Variants in GREM1 observed in about 807,000 individuals in gnomAD.
The protein encoded by GREM1 is gremlin 1, DAN family BMP antagonist, also known as gremlin-1.
A neutral mutation model predicts 13.1 loss-of-function variants in GREM1; 6 were observed. That is an observed-to-expected ratio of 0.46 (90% CI 0.25 to 0.91). The LOEUF (loss-of-function observed/expected upper bound fraction) is 0.91, where lower values mean the gene tolerates loss of function less well. Ranked by LOEUF, GREM1 falls within the 40% of genes least tolerant of loss-of-function variation. The probability of loss-of-function intolerance (pLI) is 0.18; values close to 1 mark genes in which losing one functional copy is unlikely to be tolerated. For missense variants in GREM1, 185 were observed against 233.9 expected (o/e 0.79, Z 1.36); for synonymous variants, 98 against 93.7 (o/e 1.05, Z -0.27).
At chr15:32,721,707 T>G (rs1372712869) in intron 1 of GREM1, among the ~76,000 whole-genome samples, 1 of 152,074 alleles carries the variant, frequency 6.6e-6, no homozygotes, top group Admixed American at 6.6e-5. Flanking sequence ...TGAGCTGATA[T>G]CGTGCCAGTG....
rs1168290420 is a variant in GREM1 at position 32,733,141 on chromosome 15, T to C, written c.*1896T>C. 8.6e-6 allele frequency: 2 copies of C among 231,490 alleles called. No homozygotes were observed. Among genetic ancestry groups the C allele is most frequent in the Non-Finnish European group, 1.9e-5 (2 of 107,806 alleles). The allele number at this position is 231,490 out of a possible 1,614,324, so 14.3% of individuals were successfully genotyped here. ...CTTTTAAACTCACTACTGATGATTC[T>C]CACGCTAGGCGAATTTGTCCAAACA... is the stretch of plus-strand genomic sequence containing the variant. On this transcript the variant is annotated 3_prime_UTR_variant, in exon 2 of 2. Transcript: ENST00000651154.
rs2055639094 is a variant in GREM1 at position 32,732,531 on chromosome 15, G to A, written c.*1286G>A. The A allele has an allele frequency of 4.1e-6, 1 of 245,770 alleles. No homozygotes were observed. The highest frequency in any genetic ancestry group is 8.6e-6 in the Non-Finnish European group (1 of 116,674). 15.2% of individuals were successfully genotyped at this position (245,770 alleles called of 1,614,324 possible). A position where few individuals can be genotyped will look rare whatever the true frequency, so the allele number is the denominator to read the frequency against. ...AAGGAAATAAAGGGAATTGCCTCTG[G>A]CTAGAGAGTAGTTAGGTGTTAATAC... On this transcript the variant is annotated 3_prime_UTR_variant, in exon 2 of 2. Transcript: ENST00000651154.
chr15:32,742,806 G>A lies in GREM1; in HGVS notation c.*11561G>A, dbSNP rs1001919401. 5.9e-5 allele frequency: 9 copies of A among 152,132 alleles called. No individual in the cohort carries two copies. The highest frequency in any genetic ancestry group is 2.2e-4 in the African/African-American group (9 of 41,438). The allele number at this position is 152,132 out of a possible 1,614,324, so 9.4% of individuals were successfully genotyped here. Reference sequence around the variant, plus strand: ...TAATCTCTTCAACAAATGGTGTTGGGAAAACTGAATATCCACATGCAAAAG... The same window carrying A: ...TAATCTCTTCAACAAATGGTGTTGGAAAAACTGAATATCCACATGCAAAAG... On this transcript the variant is annotated 3_prime_UTR_variant, in exon 2 of 2. Transcript: ENST00000651154.
At chr15:32,718,548 C>G (rs1218568380) in intron 1 of GREM1, 1 of 444,430 alleles carries the variant, frequency 2.3e-6, no homozygotes, top group South Asian at 1.6e-5. Context: ...TCCGGACCTG[C>G]TAGTCGGCCG....
intron 1 of GREM1, among the ~76,000 whole-genome samples, chr15:32,722,540 A>T (rs764694300): frequency 2.6e-5 from 4 of 152,260 alleles, no homozygotes; most frequent in Non-Finnish European, 5.9e-5. Context: ...CAGGTCATAC[A>T]TATACCATTT....
chr15:32,728,506 A>T (rs2055553417), intron 1 of GREM1, among the ~76,000 whole-genome samples: 1 of 151,222 alleles, frequency 6.6e-6, no homozygotes, highest in Non-Finnish European at 1.5e-5. Flanking sequence ...CTTAAATTCA[A>T]TATTTAATTA....
intron 1 of GREM1, among the ~76,000 whole-genome samples, chr15:32,729,385 T>A (rs199550788): frequency 5.3e-4 from 1 of 1,878 alleles, no homozygotes; most frequent in Non-Finnish European, 6.3e-3. Flanking sequence ...CTTTTTAGTC[T>A]GTCTGAGGCT....
rs1567117482 is a variant in GREM1, at chr15:32,738,109, A to AC, written c.*6864_*6865insC. 2.7e-4 allele frequency: 31 copies of AC among 113,562 alleles called. 2 individuals carry two copies. The South Asian group carries it at 6.5e-3, about 24-fold the overall frequency. 7.0% of individuals were successfully genotyped at this position (113,562 alleles called of 1,614,324 possible). On this transcript the variant is annotated 3_prime_UTR_variant, in exon 2 of 2. Coordinates refer to ENST00000651154, the MANE Select transcript of GREM1 (RefSeq NM_013372.7). ...AAAAAAAAAAAAAAAAAAAAAAAAA[A>AC]AAAAAAAAAAAAAAAAAAAAAAAAG...
chr15:32,735,527 G>T lies in GREM1; in HGVS notation c.*4282G>T, dbSNP rs929120587. ...CTCTAAAAATAGATCTAACTAGATT[G>T]TTCACATCTAGCGATTAAGGCCACC... On this transcript the variant is annotated 3_prime_UTR_variant, in exon 2 of 2. Transcript: ENST00000651154. 1 of 152,136 alleles carries T rather than the reference G, an allele frequency of 6.6e-6. No individual in the cohort carries two copies. Among genetic ancestry groups the T allele is most frequent in the African/African-American group, 2.4e-5 (1 of 41,414 alleles). The allele number at this position is 152,136 out of a possible 1,614,324, so 9.4% of individuals were successfully genotyped here.
chr15:32,722,581 G>A (rs2055425897), intron 1 of GREM1, among the ~76,000 whole-genome samples: 1 of 152,204 alleles, frequency 6.6e-6, no homozygotes, highest in Non-Finnish European at 1.5e-5. Context: ...TTAGAATATT[G>A]TGTTCCTAGA....
At position 32,730,795 on chromosome 15, in the gene GREM1, G is replaced by T. The variant is rs746525315; in HGVS notation, c.105G>T (p.Pro35=). Reference sequence around the variant, plus strand: ...AAGGGTCCCAAGGTGCCATCCCCCCGCCAGACAAGGCCCAGCACAATGACT... The same window carrying T: ...AAGGGTCCCAAGGTGCCATCCCCCCTCCAGACAAGGCCCAGCACAATGACT... ...KKKGSQGAIP[P]PDKAQHNDSE... is the part of the protein sequence containing the mutation. Residue 35 remains proline (P), a synonymous_variant, in exon 2 of 2, where the codon CCG becomes CCT. Transcript: ENST00000651154. 6.2e-7 allele frequency: 1 copy of T among 1,613,644 alleles called. No homozygotes were observed. Among genetic ancestry groups the T allele is most frequent in the Non-Finnish European group, 8.5e-7 (1 of 1,179,966 alleles).
chr15:32,719,599 G>T (rs1176083457), intron 1 of GREM1, among the ~76,000 whole-genome samples: 1 of 152,184 alleles, frequency 6.6e-6, no homozygotes, highest in Non-Finnish European at 1.5e-5. Flanking sequence ...TGGATCTCCT[G>T]CTGGAAAGAG....
rs753975618 is a variant in GREM1, at chr15:32,730,860, A to ACCGGGGGCGGGG, written c.173_184dup (p.Arg58_Gly61dup). The ACCGGGGGCGGGG allele has an allele frequency of 4.3e-6, 7 of 1,613,444 alleles. No individual in the cohort carries two copies. The highest frequency in any genetic ancestry group is 5.1e-6 in the Non-Finnish European group (6 of 1,179,774). ...TCGCCCCAGCAGCCTGGCTCCAGGA[A>ACCGGGGGCGGGG]CCGGGGGCGGGGCCAAGGGCGGGGC... On this transcript the variant is annotated inframe_insertion, in exon 2 of 2. Transcript: ENST00000651154.
Position 32,740,340 on chromosome 15 carries a change from C to T in GREM1, c.*9095C>T, listed in dbSNP as rs1031537580. 3 of 152,164 alleles carry T rather than the reference C, an allele frequency of 2.0e-5. No homozygotes were observed. The highest frequency in any genetic ancestry group is 4.4e-5 in the Non-Finnish European group (3 of 68,038). 9.4% of individuals were successfully genotyped at this position (152,164 alleles called of 1,614,324 possible). A position where few individuals can be genotyped will look rare whatever the true frequency, so the allele number is the denominator to read the frequency against. ...TCAGAATAGCTCTCATAAAGATTCTCACCAGAGTCAAGAGAACAATGCATG... is the reference window on the plus strand; with the variant it reads ...TCAGAATAGCTCTCATAAAGATTCTTACCAGAGTCAAGAGAACAATGCATG... On this transcript the variant is annotated 3_prime_UTR_variant, in exon 2 of 2. Transcript: ENST00000651154.
chr15:32,721,481 G>A (rs2055406005), intron 1 of GREM1, among the ~76,000 whole-genome samples: 1 of 152,154 alleles, frequency 6.6e-6, no homozygotes, highest in Admixed American at 6.5e-5. Flanking sequence ...CTGGCCGGGT[G>A]AGGTGGCTCA....
rs945381791 is a variant in GREM1, at chr15:32,738,197, A to C, written c.*6952A>C. On this transcript the variant is annotated 3_prime_UTR_variant, in exon 2 of 2. Transcript: ENST00000651154. Reference sequence around the variant, plus strand: ...ATGATTTCAATTTTAAGATGACATAATATTGTATGTAGAAATCCTAAGGAA... The same window carrying C: ...ATGATTTCAATTTTAAGATGACATACTATTGTATGTAGAAATCCTAAGGAA... 4.6e-5 allele frequency: 7 copies of C among 150,740 alleles called. No individual in the cohort carries two copies. Among genetic ancestry groups the C allele is most frequent in the Admixed American group, 1.3e-4 (2 of 15,142 alleles). The allele number at this position is 150,740 out of a possible 1,614,324, so 9.3% of individuals were successfully genotyped here.
chr15:32,734,516 G>GT lies in GREM1; in HGVS notation c.*3272dup. 4.0e-6 allele frequency: 1 copy of GT among 247,064 alleles called. No individual in the cohort carries two copies. Among genetic ancestry groups the GT allele is most frequent in the Non-Finnish European group, 8.5e-6 (1 of 117,504 alleles). The allele number at this position is 247,064 out of a possible 1,614,324, so 15.3% of individuals were successfully genotyped here. A position where few individuals can be genotyped will look rare whatever the true frequency, so the allele number is the denominator to read the frequency against. On this transcript the variant is annotated 3_prime_UTR_variant, in exon 2 of 2. Coordinates refer to ENST00000651154, the MANE Select transcript of GREM1 (RefSeq NM_013372.7). ...TATATAGACTATGAGGTACCTTGCT[G>GT]TGTAGGAGGATGAAAGGGGAGTTGA...
In GREM1 at chr15:32,732,271, TA is replaced by T. The variant is rs1176861946; in HGVS notation, c.*1028del. ...CAAAAACCTCAGAGGCTGAAATTCCTAATACCTTTCCTTTATCGTGGTTATA... is the reference window on the plus strand; with the variant it reads ...CAAAAACCTCAGAGGCTGAAATTCCTATACCTTTCCTTTATCGTGGTTATA... On this transcript the variant is annotated 3_prime_UTR_variant, in exon 2 of 2. Coordinates refer to ENST00000651154, the MANE Select transcript of GREM1 (RefSeq NM_013372.7). The T allele has an allele frequency of 4.2e-6, 1 of 237,618 alleles. No homozygotes were observed. The highest frequency in any genetic ancestry group is 2.2e-5 in the African/African-American group (1 of 44,862). 14.7% of individuals were successfully genotyped at this position (237,618 alleles called of 1,614,324 possible).
At chr15:32,725,396 G>A (rs1331186274) in intron 1 of GREM1, among the ~76,000 whole-genome samples, 2 of 152,194 alleles carry the variant, frequency 1.3e-5, no homozygotes, top group Non-Finnish European at 2.9e-5. Context: ...CCGATGATGA[G>A]CTTTTTCTCA....
Sources: gnomAD v4.1 joint callset for allele counts (sites outside exome capture counted in the v4.1 genomes callset) on GRCh38, gnomAD v4.1.1 for gene constraint, MANE v1.5 for transcripts, NCBI Gene and HGNC (gene_info 2026-07-23, HGNC 2026-07-21) for gene names.